The following SF3B3 variants were observed in gnomAD, a reference collection of about 807,000 sequenced individuals.
SF3B3 encodes the protein splicing factor 3b subunit 3, also known as SAP 130.
In SF3B3, 33 loss-of-function variants were observed where a neutral mutation model predicts 139.2. The ratio of observed to expected loss-of-function variants is 0.24; its 90% confidence interval spans 0.18 to 0.32. The LOEUF is 0.32. Among genes scored for constraint, SF3B3 ranks in the 10% least tolerant of loss-of-function variants. The pLI, the probability that SF3B3 is intolerant of heterozygous loss-of-function variation, is 1.00. For synonymous variants in SF3B3, 596 were observed against 563.6 expected, an observed-to-expected ratio of 1.06 and a Z score of -0.81; for missense variants, 818 against 1,509.4, an observed-to-expected ratio of 0.54 and a Z score of 7.59.
At chr16:70,554,963 T>G in intron 12 of SF3B3, 88 bp from the exon 13 acceptor site, 1 of 1,320,488 alleles carries the variant, frequency 7.6e-7, no homozygotes, top group Non-Finnish European at 1.0e-6. Context: ...CAGGTCTGAT[T>G]TTAGTGACAG....
intron 12 of SF3B3, 64 bp downstream of exon 12, chr16:70,554,661 C>A: frequency 4.0e-6 from 6 of 1,514,378 alleles, no homozygotes. Context: ...CATTGTGATG[C>A]AGGCTGCTGT....
intron 11 of SF3B3, among the ~76,000 whole-genome samples, chr16:70,549,511 G>T (rs1360359599): frequency 6.6e-6 from 1 of 152,182 alleles, no homozygotes; most frequent in African/African-American, 2.4e-5. Flanking sequence ...TTGGTGGCTT[G>T]TTGATATTCA....
rs1436978587 is a variant in SF3B3 at position 70,573,777 on chromosome 16, G to A, written c.*1964G>A. ...GGCTGCTGCAGAACTCAGACAGAGG[G>A]ATCTGCCCTTGGGTTTGCTTCCATC... On this transcript the variant is annotated 3_prime_UTR_variant, in exon 26 of 26. Transcript: ENST00000302516. 2.6e-5 allele frequency: 4 copies of A among 152,346 alleles called. No homozygotes were observed. In the South Asian group the frequency reaches 8.3e-4, roughly 32 times the overall value. The allele number at this position is 152,346 out of a possible 1,614,324, so 9.4% of individuals were successfully genotyped here. A position where few individuals can be genotyped will look rare whatever the true frequency, so the allele number is the denominator to read the frequency against.
rs372670757 is a variant in SF3B3 at position 70,561,752 on chromosome 16, G to A, written c.2256G>A (p.Glu752=). Residue 752 remains glutamate, a synonymous_variant, in exon 17 of 26, where the codon GAG becomes GAA. Transcript: ENST00000302516. ...GTTTTGCCTCGGAACAGTGTCCCGA[G>A]GGCATTGTGGCCATCTCCACCAACA... ...ASGFASEQCP[E]GIVAISTNTL... The A allele has an allele frequency of 3.5e-5, 57 of 1,613,916 alleles. No individual in the cohort carries two copies. Among genetic ancestry groups the A allele is most frequent in the Non-Finnish European group, 4.7e-5 (55 of 1,179,998 alleles).
intron 6 of SF3B3, 184 bp from the exon 7 acceptor site, chr16:70,538,139 T>C: frequency 2.7e-6 from 2 of 731,364 alleles, no homozygotes; most frequent in Non-Finnish European, 5.0e-6. Flanking sequence ...CAGATTTTAT[T>C]AGATATTTAT....
intron 10 of SF3B3, among the ~76,000 whole-genome samples, chr16:70,548,118 G>A (rs1434777484): frequency 6.6e-6 from 1 of 152,174 alleles, no homozygotes; most frequent in East Asian, 1.9e-4. Context: ...TGAAGGAAAG[G>A]GGTATGGTTT....
Position 70,532,528 on chromosome 16 carries a change from CACTT to C in SF3B3, c.625_628del (p.Thr209SerfsTer4). ...GAAGCAGCAGCTAATACCCAGCAGA[CACTT>C]ACTTTCTATGAGCTAGACCTTGGTT... On this transcript the variant is annotated frameshift_variant, in exon 5 of 26. Transcript: ENST00000302516. LOFTEE classifies it high-confidence loss of function. 6.2e-7 allele frequency: 1 copy of C among 1,614,044 alleles called. No individual in the cohort carries two copies. The highest frequency in any genetic ancestry group is 8.5e-7 in the Non-Finnish European group (1 of 1,179,914).
chr16:70,561,408 G>A, intron 16 of SF3B3: 1 of 496,010 alleles, frequency 2.0e-6, no homozygotes, highest in Non-Finnish European at 3.6e-6. Context: ...GAGATGAAAT[G>A]GTGAGTCTAG....
At position 70,573,412 on chromosome 16, in the gene SF3B3, A is replaced by G. The variant is rs1439157665; in HGVS notation, c.*1599A>G. 1 of 152,196 alleles carries G rather than the reference A, an allele frequency of 6.6e-6. No individual in the cohort carries two copies. The highest frequency in any genetic ancestry group is 2.4e-5 in the African/African-American group (1 of 41,452). The allele number at this position is 152,196 out of a possible 1,614,324, so 9.4% of individuals were successfully genotyped here. On this transcript the variant is annotated 3_prime_UTR_variant, in exon 26 of 26. Coordinates refer to ENST00000302516, the MANE Select transcript of SF3B3 (RefSeq NM_012426.5). Reference sequence around the variant, plus strand: ...TCTAACTCAAGTTTGACTAAAATACATACACTCCGTACAGAAGGTAGGGGG... The same window carrying G: ...TCTAACTCAAGTTTGACTAAAATACGTACACTCCGTACAGAAGGTAGGGGG...
At chr16:70,545,251 G>C (rs982406181) in intron 10 of SF3B3, among the ~76,000 whole-genome samples, 1 of 152,128 alleles carries the variant, frequency 6.6e-6, no homozygotes, top group East Asian at 1.9e-4. Flanking sequence ...ACTTTTTGTA[G>C]AGACAGAGTC....
Position 70,563,789 on chromosome 16 carries a change from G to T in SF3B3, c.2289-87G>T. 3 of 1,253,196 alleles carry T rather than the reference G, an allele frequency of 2.4e-6. No individual in the cohort carries two copies. In the Admixed American group the frequency reaches 5.6e-5, roughly 24 times the overall value. The allele number at this position is 1,253,196 out of a possible 1,614,324, so 77.6% of individuals were successfully genotyped here. A position where few individuals can be genotyped will look rare whatever the true frequency, so the allele number is the denominator to read the frequency against. ...CAACGTTAGAGCTCCAGGGATTGAC[G>T]TGTTTGCTGACTGCTCAAAGTCTAT... is the stretch of plus-strand genomic sequence containing the variant. On this transcript the variant is annotated intron_variant, in intron 17 of 25. Transcript: ENST00000302516.
At chr16:70,525,617 C>A (rs553389354) in intron 1 of SF3B3, among the ~76,000 whole-genome samples, 67 of 152,188 alleles carry the variant, frequency 4.4e-4, no homozygotes, top group Non-Finnish European at 8.2e-4. Flanking sequence ...CCTGGTCTTT[C>A]AACATCGGTC....
intron 2 of SF3B3, among the ~76,000 whole-genome samples, chr16:70,527,869 G>A (rs1190820935): frequency 5.3e-5 from 8 of 151,952 alleles, no homozygotes. Flanking sequence ...TCCGCCTCCT[G>A]GGTTCAAGCG....
At chr16:70,548,285 T>G in intron 10 of SF3B3, 85 bp from the exon 11 acceptor site, 13 of 1,113,968 alleles carry the variant, frequency 1.2e-5, no homozygotes, top group Non-Finnish European at 1.8e-5. Context: ...ACCCTGCCTT[T>G]GAGACCTTAT....
rs753131517 is a variant in SF3B3, at chr16:70,570,047, G to T, written c.3306G>T (p.Leu1102=). The T allele has an allele frequency of 6.2e-7, 1 of 1,614,024 alleles. No individual in the cohort carries two copies. The highest frequency in any genetic ancestry group is 8.5e-7 in the Non-Finnish European group (1 of 1,180,036). ...ACTACCATGTCGGGGAGACGGTGCT[G>T]TCCTTGCAGAAGACCACGCTGATCC... The part of the protein sequence containing the change: ...IMNYHVGETV[L]SLQKTTLIPG... The change falls in exon 24 of 26, where the codon CTG becomes CTT. Residue 1102 remains leucine (L), a synonymous_variant. Coordinates refer to ENST00000302516, the MANE Select transcript of SF3B3 (RefSeq NM_012426.5).
intron 15 of SF3B3, among the ~76,000 whole-genome samples, chr16:70,557,756 A>G (rs2050391751): frequency 6.6e-6 from 1 of 152,030 alleles, no homozygotes; most frequent in Non-Finnish European, 1.5e-5. Flanking sequence ...TATCAGCAAC[A>G]TTCTGCTGTT....
chr16:70,530,471 C>T (rs968188381), intron 3 of SF3B3, among the ~76,000 whole-genome samples: 1 of 152,002 alleles, frequency 6.6e-6, no homozygotes, highest in Non-Finnish European at 1.5e-5. Flanking sequence ...AGGCATGCAC[C>T]ACCACACCTA....
At chr16:70,527,335 C>A (rs988255771) in intron 2 of SF3B3, among the ~76,000 whole-genome samples, 14 of 152,264 alleles carry the variant, frequency 9.2e-5, no homozygotes, top group Admixed American at 2.6e-4. Flanking sequence ...AAGTGAGGTA[C>A]TAATGTTTAT....
rs762376052 is a variant in SF3B3, at chr16:70,571,676, G to A, written c.3517G>A (p.Val1173Met). Reference protein sequence around the residue: ...FRSYYFPVKNVIDGDLCEQFN... With the variant: ...FRSYYFPVKNMIDGDLCEQFN... The stretch of plus-strand genomic sequence containing the variant: ...TTCTGCTTTCTCCATATCTTAGAAT[G>A]TGATTGATGGAGACCTCTGTGAGCA... Residue 1173 changes from valine (V) to methionine (M), a missense_variant, in exon 26 of 26, where the codon GTG becomes ATG. Coordinates refer to ENST00000302516, the MANE Select transcript of SF3B3 (RefSeq NM_012426.5). 3.1e-6 allele frequency: 5 copies of A among 1,607,652 alleles called. No individual in the cohort carries two copies. Among genetic ancestry groups the A allele is most frequent in the Admixed American group, 1.7e-5 (1 of 57,292 alleles).
Sources: gnomAD v4.1 joint callset for allele counts (sites outside exome capture counted in the v4.1 genomes callset) on GRCh38, gnomAD v4.1.1 for gene constraint, MANE v1.5 for transcripts, NCBI Gene and HGNC (gene_info 2026-07-23, HGNC 2026-07-21) for gene names.